The following CDH4 variants were observed in gnomAD, a reference collection of about 807,000 sequenced individuals.
The protein encoded by CDH4 is cadherin 4.
In CDH4, 33 loss-of-function variants were observed where a neutral mutation model predicts 86.0. That is an observed-to-expected ratio of 0.38 (90% CI 0.29 to 0.51). The LOEUF is 0.51. Among genes scored for constraint, CDH4 ranks in the 20% least tolerant of loss-of-function variants. The pLI is 0.86. For missense variants in CDH4, 1,114 were observed against 1,307.4 expected (o/e 0.85, Z 2.28); for synonymous variants, 555 against 549.4 (o/e 1.01, Z -0.14).
At chr20:61,826,301 C>T (rs946859344) in intron 4 of CDH4, among the ~76,000 whole-genome samples, 2 of 152,248 alleles carry the variant, frequency 1.3e-5, no homozygotes, top group East Asian at 1.9e-4. Context: ...TTACTGCCCT[C>T]GGCCATGCCA....
At chr20:61,579,936 C>G (rs1287824502) in intron 2 of CDH4, among the ~76,000 whole-genome samples, 1 of 148,204 alleles carries the variant, frequency 6.7e-6, no homozygotes, top group African/African-American at 2.6e-5. Context: ...ATTGCATACA[C>G]TTTCTGAATT....
At chr20:61,644,620 C>T (rs750405513) in intron 2 of CDH4, among the ~76,000 whole-genome samples, 2 of 152,200 alleles carry the variant, frequency 1.3e-5, no homozygotes, top group African/African-American at 2.4e-5. Flanking sequence ...TCAGGAGGGG[C>T]GGTCTCCCCA....
rs1555864265 is a variant in CDH4, at chr20:61,936,720, G to A, written c.2545-17G>A. The A allele has an allele frequency of 6.6e-7, 1 of 1,516,042 alleles. No individual in the cohort carries two copies. The highest frequency in any genetic ancestry group is 8.8e-7 in the Non-Finnish European group (1 of 1,132,794). The allele number at this position is 1,516,042 out of a possible 1,614,324, so 93.9% of individuals were successfully genotyped here. The stretch of plus-strand genomic sequence containing the variant: ...ACAACGCGTCCTGCACCCTAACTCT[G>A]TGTCTGTGACCCCCAGGGACTCCGC... On this transcript the variant is annotated splice_polypyrimidine_tract_variant and intron_variant, in intron 15 of 15. Transcript: ENST00000614565.
intron 2 of CDH4, among the ~76,000 whole-genome samples, chr20:61,730,217 G>A (rs1247511651): frequency 6.6e-6 from 1 of 152,064 alleles, no homozygotes; most frequent in Non-Finnish European, 1.5e-5. Flanking sequence ...TCGTGGGTTT[G>A]GACAAATGCA....
At chr20:61,593,715 C>T (rs1568702089) in intron 2 of CDH4, among the ~76,000 whole-genome samples, 1 of 152,026 alleles carries the variant, frequency 6.6e-6, no homozygotes, top group African/African-American at 2.4e-5. Flanking sequence ...TGGAAGTCCT[C>T]ATGCCTCCAT....
intron 4 of CDH4, among the ~76,000 whole-genome samples, chr20:61,837,020 C>T (rs1191734126): frequency 6.6e-6 from 1 of 152,132 alleles, no homozygotes; most frequent in African/African-American, 2.4e-5. Context: ...ATAGTGAAAC[C>T]CTATCTCTAC....
At chr20:61,578,863 C>T (rs541494330) in intron 2 of CDH4, among the ~76,000 whole-genome samples, 6 of 152,272 alleles carry the variant, frequency 3.9e-5, no homozygotes, top group Non-Finnish European at 7.4e-5. Context: ...CTAGATCCTC[C>T]GGTCAAGCAA....
chr20:61,889,751 T>C (rs1447679544), intron 7 of CDH4, among the ~76,000 whole-genome samples: 2 of 149,162 alleles, frequency 1.3e-5, no homozygotes, highest in African/African-American at 2.5e-5. Context: ...GATGGATGGA[T>C]GGATGCATGG....
At chr20:61,893,590 T>C (rs1984957088) in intron 7 of CDH4, among the ~76,000 whole-genome samples, 1 of 147,442 alleles carries the variant, frequency 6.8e-6, no homozygotes, top group Non-Finnish European at 1.5e-5. Flanking sequence ...GGTGGGTGGA[T>C]CGATGGGTGT....
intron 2 of CDH4, among the ~76,000 whole-genome samples, chr20:61,334,713 G>T (rs1033997084): frequency 3.3e-5 from 5 of 152,178 alleles, no homozygotes; most frequent in Non-Finnish European, 5.9e-5. Context: ...GGGGGTGGGG[G>T]ACATGAGCAC....
rs2084992757 is a variant in CDH4 at position 61,392,643 on chromosome 20, T to C, written c.169+137706T>C. Among the ~76,000 whole-genome samples, 1 of 152,166 alleles carries C rather than the reference T, an allele frequency of 6.6e-6. No homozygotes were observed. The highest frequency in any genetic ancestry group is 2.1e-4 in the South Asian group (1 of 4,830). Reference sequence around the variant, plus strand: ...AATATGGTCCTATTACTTGGTAAAATGTTGTGCTATGTTGTTAATTCAACT... The same window carrying C: ...AATATGGTCCTATTACTTGGTAAAACGTTGTGCTATGTTGTTAATTCAACT... On this transcript the variant is annotated intron_variant, in intron 2 of 15. Transcript: ENST00000614565. This position sits in a 1 kb window ranked among gnomAD's most constrained non-coding sequence, Gnocchi z 5.7.
At chr20:61,652,938 A>ATTTT (rs763918382) in intron 2 of CDH4, among the ~76,000 whole-genome samples, 28 of 97,382 alleles carry the variant, frequency 2.9e-4, no homozygotes, top group Non-Finnish European at 3.3e-4. Flanking sequence ...TTATTTATTT[A>ATTTT]TTTTTTTTTT....
At chr20:61,438,894 G>A (rs6062002) in intron 2 of CDH4, among the ~76,000 whole-genome samples, 7 of 148,894 alleles carry the variant, frequency 4.7e-5, no homozygotes, top group Middle Eastern at 3.2e-3. Context: ...AATGCCCCCA[G>A]ACAAATAGTA....
chr20:61,815,476 C>T (rs1217148701), intron 4 of CDH4, among the ~76,000 whole-genome samples: 1 of 152,222 alleles, frequency 6.6e-6, no homozygotes, highest in African/African-American at 2.4e-5. Context: ...CACCCTCCAC[C>T]ACATCGGCCC....
At position 61,296,254 on chromosome 20, in the gene CDH4, CAT is replaced by C. The variant is rs2084351889; in HGVS notation, c.169+41318_169+41319del. Among the ~76,000 whole-genome samples the C allele has an allele frequency of 2.0e-4, 9 of 45,906 alleles. No individual in the cohort carries two copies. In the South Asian group the frequency reaches 5.2e-3, roughly 26 times the overall value. 30.1% of individuals were successfully genotyped at this position (45,906 alleles called of 152,430 possible). A position where few individuals can be genotyped will look rare whatever the true frequency, so the allele number is the denominator to read the frequency against. ...TAATGAGTGTGTGTATGTGTGTGTG[CAT>C]GTGTGCGTGTGTGTGTGTGCGTGGG... On this transcript the variant is annotated intron_variant, in intron 2 of 15. Transcript: ENST00000614565.
At chr20:61,655,389 C>T (rs1437257515) in intron 2 of CDH4, among the ~76,000 whole-genome samples, 1 of 152,220 alleles carries the variant, frequency 6.6e-6, no homozygotes, top group African/African-American at 2.4e-5. Flanking sequence ...CTTACACACA[C>T]ACACATACAC....
intron 2 of CDH4, among the ~76,000 whole-genome samples, chr20:61,295,388 A>T (rs553317862): frequency 6.6e-6 from 1 of 152,062 alleles, no homozygotes; most frequent in Non-Finnish European, 1.5e-5. Flanking sequence ...TCAGGCTCAC[A>T]CCCCGCTCTG....
chr20:61,580,416 A>G (rs2086416812), intron 2 of CDH4, among the ~76,000 whole-genome samples: 1 of 151,986 alleles, frequency 6.6e-6, no homozygotes, highest in Admixed American at 6.6e-5. Context: ...AGCTATTGTC[A>G]CTCCACTCCA....
intron 2 of CDH4, among the ~76,000 whole-genome samples, chr20:61,565,151 A>T (rs73136646): frequency 0.61 from 40,619 of 66,584 alleles, 12,951 homozygotes; most frequent in African/African-American, 0.87. Context: ...TGGTGTTGGT[A>T]GTGGTCCTCT....
Sources: gnomAD v4.1 joint callset for allele counts (sites outside exome capture counted in the v4.1 genomes callset) on GRCh38, gnomAD v4.1.1 for gene constraint, Gnocchi (gnomAD v3.1) non-coding constraint, MANE v1.5 for transcripts, NCBI Gene and HGNC (gene_info 2026-07-23, HGNC 2026-07-21) for gene names.